Variants in SASH1 observed in about 807,000 individuals in gnomAD.
SASH1 encodes SAM and SH3 domain containing 1.
SASH1 carries 44 observed loss-of-function variants against 125.2 expected under a neutral mutation model. The ratio of observed to expected loss-of-function variants is 0.35; its 90% CI spans 0.28 to 0.45. The LOEUF is 0.45. SASH1 is among the 20% of genes least tolerant of loss of function. The pLI is 1.00. For missense variants in SASH1, 1,426 were observed against 1,614.5 expected (o/e 0.88, Z 2.00); for synonymous variants, 639 against 649.1 (o/e 0.98, Z 0.24).
rs184592104 is a variant in SASH1, at chr6:148,465,381, G to A, written c.387-3164G>A. 4.9e-3 allele frequency among the ~76,000 whole-genome samples: 748 copies of A among 151,990 alleles called. 2 individuals are homozygous for A. Among genetic ancestry groups the A allele is most frequent in the Non-Finnish European group, 8.9e-3 (607 of 67,942 alleles). ...AGCCTGGTCAACATGGTGAAACCCC[G>A]TGTCTACTAAAAATACAAAAATTAG... On this transcript the variant is annotated intron_variant, in intron 4 of 19. Coordinates refer to ENST00000367467, the MANE Select transcript of SASH1 (RefSeq NM_015278.5).
At chr6:148,292,946 G>A (rs1276010483) in intron 1 of SASH1, among the ~76,000 whole-genome samples, 1 of 152,020 alleles carries the variant, frequency 6.6e-6, no homozygotes. Context: ...CAGCTACTCA[G>A]GAGGCTGAGG....
At chr6:148,262,506 C>T in the SASH1 span, among the ~76,000 whole-genome samples, 2 of 152,174 alleles carry the variant, frequency 1.3e-5, no homozygotes, top group African/African-American at 4.8e-5. Flanking sequence ...AGGCTAACTG[C>T]AGGACCTGCA....
rs747750665 is a variant in SASH1 at position 148,519,515 on chromosome 6, G to C, written c.863-32G>C. 2 of 1,537,672 alleles carry C rather than the reference G, an allele frequency of 1.3e-6. No individual in the cohort carries two copies. The highest frequency in any genetic ancestry group is 1.8e-6 in the Non-Finnish European group (2 of 1,114,856). ...GATGTATGCAAGAATGCAAAGGTGT[G>C]TTCACAAGAGACTCTGTTGGTTTCC... On this transcript the variant is annotated intron_variant, in intron 9 of 19. Coordinates refer to ENST00000367467, the MANE Select transcript of SASH1 (RefSeq NM_015278.5). This position sits in a 1 kb window ranked among gnomAD's most constrained non-coding sequence, Gnocchi z 4.8.
chr6:148,510,995 CAAAAA>C (rs5880785), intron 8 of SASH1, among the ~76,000 whole-genome samples: 6 of 115,360 alleles, frequency 5.2e-5, no homozygotes, highest in Admixed American at 9.0e-5. Context: ...GACTCCATCT[CAAAAA>C]AAAAAAAAAA....
intron 4 of SASH1, among the ~76,000 whole-genome samples, chr6:148,454,100 A>G (rs1202796065): frequency 4.6e-5 from 7 of 152,122 alleles, no homozygotes; most frequent in East Asian, 1.9e-4. Context: ...CACCCATGCC[A>G]TCAGTCACCG....
intron 1 of SASH1, among the ~76,000 whole-genome samples, chr6:148,373,291 C>T (rs189881507): frequency 6.6e-6 from 1 of 152,260 alleles, no homozygotes; most frequent in Admixed American, 6.5e-5. Context: ...TGAGTAATAT[C>T]CGCAGAGGAT....
At position 148,471,473 on chromosome 6, in the gene SASH1, C is replaced by T; in HGVS notation, c.484C>T (p.Gln162Ter). 2.5e-6 allele frequency: 4 copies of T among 1,574,640 alleles called. No homozygotes were observed. The highest frequency in any genetic ancestry group is 3.4e-6 in the Non-Finnish European group (4 of 1,160,828). Reference protein sequence around the residue: ...KYFWQNFRKNQKGIMRQTSKG... With the variant: ...KYFWQNFRKN Reference sequence around the variant, plus strand: ...TTTCTGGCAGAACTTCCGAAAGAACCAGAAAGGAATAATGAGACAGACTTC... The same window carrying T: ...TTTCTGGCAGAACTTCCGAAAGAACTAGAAAGGAATAATGAGACAGACTTC... Residue 162 changes from glutamine (Q) to a stop codon, truncating the protein, a stop_gained, in exon 6 of 20, where the codon CAG becomes TAG. Transcript: ENST00000367467. LOFTEE classifies it high-confidence loss of function.
chr6:148,375,260 G>A, intron 1 of SASH1, among the ~76,000 whole-genome samples: 1 of 152,056 alleles, frequency 6.6e-6, no homozygotes, highest in East Asian at 1.9e-4. Flanking sequence ...CCAAAGTGCT[G>A]GAATTACAGG....
intron 4 of SASH1, among the ~76,000 whole-genome samples, chr6:148,452,245 G>A (rs1220214996): frequency 6.6e-6 from 1 of 152,240 alleles, no homozygotes. Flanking sequence ...GTACTCTTCT[G>A]CCTTAATCAG....
At position 148,487,067 on chromosome 6, in the gene SASH1, A is replaced by AATAT. The variant is rs61032999; in HGVS notation, c.628-537_628-534dup. 2.4e-5 allele frequency among the ~76,000 whole-genome samples: 3 copies of AATAT among 126,168 alleles called. 1 individual carries two copies. Among genetic ancestry groups the AATAT allele is most frequent in the Non-Finnish European group, 4.9e-5 (3 of 61,028 alleles). 82.8% of individuals were successfully genotyped at this position (126,168 alleles called of 152,430 possible). ...TTGTTTTATATATATGTAAAAAACA[A>AATAT]ATATATATATATAACACATATATAT... On this transcript the variant is annotated intron_variant, in intron 7 of 19. Coordinates refer to ENST00000367467, the MANE Select transcript of SASH1 (RefSeq NM_015278.5).
At chr6:148,210,650 G>A in the SASH1 span, among the ~76,000 whole-genome samples, 1 of 152,212 alleles carries the variant, frequency 6.6e-6, no homozygotes, top group African/African-American at 2.4e-5. Flanking sequence ...AGAGCTGCTT[G>A]AATGGCTTTT....
intron 16 of SASH1, among the ~76,000 whole-genome samples, chr6:148,539,082 T>C (rs1320761638): frequency 6.7e-6 from 1 of 148,526 alleles, no homozygotes. Flanking sequence ...AACAGAAGCG[T>C]CCGATGCTGC....
chr6:148,508,849 C>A, intron 8 of SASH1: 4 of 1,287,412 alleles, frequency 3.1e-6, no homozygotes, highest in Non-Finnish European at 3.0e-6. Flanking sequence ...TTCAGAATTA[C>A]CCCTTAGGCT....
the SASH1 span, among the ~76,000 whole-genome samples, chr6:148,259,021 G>A: frequency 1.3e-5 from 2 of 152,186 alleles, no homozygotes; most frequent in African/African-American, 4.8e-5. Flanking sequence ...TGGTTACCAT[G>A]TTCCAGTGCA....
chr6:148,537,028 T>G (rs1781885618), intron 16 of SASH1, among the ~76,000 whole-genome samples: 1 of 152,220 alleles, frequency 6.6e-6, no homozygotes, highest in African/African-American at 2.4e-5. Flanking sequence ...GGGTCCAGAC[T>G]TTTCCTAGCA....
At chr6:148,228,835 A>G in the SASH1 span, among the ~76,000 whole-genome samples, 1 of 152,152 alleles carries the variant, frequency 6.6e-6, no homozygotes, top group African/African-American at 2.4e-5. Flanking sequence ...TGACAGAGAA[A>G]AAAATCCAAG....
At chr6:148,279,854 G>A (rs556430717) in intron 1 of SASH1, among the ~76,000 whole-genome samples, 170 of 152,012 alleles carry the variant, frequency 1.1e-3, no homozygotes, top group African/African-American at 4.0e-3. Flanking sequence ...GGGTGTGGTG[G>A]TGCATGCCTG....
the SASH1 span, among the ~76,000 whole-genome samples, chr6:148,238,886 G>C: frequency 1.3e-5 from 2 of 152,124 alleles, no homozygotes; most frequent in East Asian, 1.9e-4. Flanking sequence ...CTCAAAAATA[G>C]CTCCCAAAAG....
intron 1 of SASH1, among the ~76,000 whole-genome samples, chr6:148,361,986 T>G (rs1455422442): frequency 1.4e-5 from 2 of 146,648 alleles, no homozygotes; most frequent in Admixed American, 7.0e-5. Flanking sequence ...CGATCTCGGC[T>G]CACTGCAAGC....
Sources: allele counts gnomAD v4.1 joint callset (sites outside exome capture counted in the v4.1 genomes callset), GRCh38; gene constraint gnomAD v4.1.1; non-coding constraint Gnocchi (gnomAD v3.1); transcripts MANE v1.5; gene names NCBI Gene and HGNC (gene_info 2026-07-23, HGNC 2026-07-21).